WT1: variants seen among roughly 807,000 people sequenced by gnomAD.
WT1 encodes Wilms tumor protein.
WT1 carries 8 observed loss-of-function variants against 60.8 expected under a neutral mutation model. The ratio of observed to expected loss-of-function variants is 0.13; its 90% CI spans 0.08 to 0.24. The LOEUF is 0.24. Among genes scored for constraint, WT1 ranks in the 10% least tolerant of loss-of-function variants. The pLI is 1.00. For synonymous variants in WT1, 312 were observed against 297.1 expected (o/e 1.05, Z -0.52); for missense variants, 568 against 711.8 (o/e 0.80, Z 2.30).
rs527277671 is a variant in WT1, at chr11:32,415,083, A to G, written c.1016+1407T>C. On this transcript the variant is annotated intron_variant, in intron 5 of 9. Transcript: ENST00000452863. ...GTCTAAAGACCTTAAAAAGTATCGAAATTATCTTAACCATGGAAATATCCA... is the reference window on the plus strand; with the variant it reads ...GTCTAAAGACCTTAAAAAGTATCGAGATTATCTTAACCATGGAAATATCCA... 4.6e-5 allele frequency among the ~76,000 whole-genome samples: 7 copies of G among 152,286 alleles called. No homozygotes were observed. The South Asian group carries it at 1.5e-3, about 32-fold the overall frequency.
chr11:32,399,109 T>C (rs549638704), intron 6 of WT1, among the ~76,000 whole-genome samples: 101 of 137,530 alleles, frequency 7.3e-4, no homozygotes, highest in Non-Finnish European at 1.2e-3. Context: ...TGAGCCAAGA[T>C]AGCGCCACTG....
intron 6 of WT1, among the ~76,000 whole-genome samples, chr11:32,399,621 A>G (rs1213352715): frequency 6.6e-6 from 1 of 152,244 alleles, no homozygotes; most frequent in Admixed American, 6.5e-5. Context: ...TCAAAGGTCC[A>G]AGCGGTTAAT....
intron 9 of WT1, 26 bp from the exon 10 acceptor site, chr11:32,389,205 A>T: frequency 6.2e-7 from 1 of 1,613,840 alleles, no homozygotes. Context: ...CCAGTCAGAG[A>T]CACTTGCAAC....
intron 9 of WT1, 30 bp downstream of exon 9, chr11:32,391,942 A>C (rs746687182): frequency 7.5e-6 from 12 of 1,596,088 alleles, no homozygotes; most frequent in Non-Finnish European, 8.6e-7. Context: ...AAAAATAATG[A>C]AAAATAAATG....
intron 8 of WT1, among the ~76,000 whole-genome samples, chr11:32,392,424 C>G (rs542863279): frequency 1.1e-4 from 17 of 152,326 alleles, no homozygotes; most frequent in African/African-American, 4.1e-4. Context: ...AGTGTATCAT[C>G]AGCCCACTGC....
intron 1 of WT1, among the ~76,000 whole-genome samples, chr11:32,431,842 G>A (rs1853323648): frequency 6.6e-6 from 1 of 152,092 alleles, no homozygotes; most frequent in South Asian, 2.1e-4. Context: ...TGCCCCTCCC[G>A]CAGGCCAGAA....
Position 32,427,995 on chromosome 11 carries a change from G to A in WT1, c.848C>T (p.Thr283Ile), listed in dbSNP as rs776258782. The change falls in exon 3 of 10, where the codon ACC becomes ATC. Residue 283 changes from threonine (T) to isoleucine (I), a missense_variant. By Grantham distance (89) the Thr-to-Ile change is moderately conservative. Coordinates refer to ENST00000452863, the MANE Select transcript of WT1 (RefSeq NM_024426.6). The stretch of plus-strand genomic sequence containing the variant: ...CCTCAGCAGCAAAGCCTGGCTGCCG[G>A]TGCAGCTGTCGGTGGGGGTGTGGCA... 1 of 1,611,982 alleles carries A rather than the reference G, an allele frequency of 6.2e-7. No homozygotes were observed. Among genetic ancestry groups the A allele is most frequent in the South Asian group, 1.1e-5 (1 of 90,866 alleles).
chr11:32,414,038 T>C (rs1006079690), intron 5 of WT1, among the ~76,000 whole-genome samples: 13 of 152,328 alleles, frequency 8.5e-5, no homozygotes, highest in South Asian at 6.2e-4. Flanking sequence ...CACCCAATAC[T>C]GTTTATATAC....
intron 3 of WT1, among the ~76,000 whole-genome samples, chr11:32,426,028 C>G (rs948731807): frequency 6.6e-6 from 1 of 152,154 alleles, no homozygotes; most frequent in South Asian, 2.1e-4. Flanking sequence ...TCCTGGACTC[C>G]TCTTTCAAGG....
In WT1 at chr11:32,388,970, T is replaced by C. The variant is rs5030315; in HGVS notation, c.*88A>G. The C allele has an allele frequency of 0.098, 156,808 of 1,602,290 alleles. 10,006 individuals carry two copies. The highest frequency in any genetic ancestry group is 0.3 in the African/African-American group (22,441 of 74,686). On this transcript the variant is annotated 3_prime_UTR_variant, in exon 10 of 10. Coordinates refer to ENST00000452863, the MANE Select transcript of WT1 (RefSeq NM_024426.6). ...GAAGAAGATCAACTGAAGTTTCCTT[T>C]TTAGTGAGGAGGAGTGGAGAGTCAG... is the stretch of plus-strand genomic sequence containing the variant.
intron 5 of WT1, among the ~76,000 whole-genome samples, chr11:32,407,537 C>T (rs1852352919): frequency 6.6e-6 from 1 of 152,146 alleles, no homozygotes; most frequent in African/African-American, 2.4e-5. Flanking sequence ...GGCAGGCATC[C>T]CCCCATCTTC....
chr11:32,412,749 G>A (rs1009035112), intron 5 of WT1, among the ~76,000 whole-genome samples: 1 of 98,282 alleles, frequency 1.0e-5, no homozygotes, highest in African/African-American at 4.1e-5. Flanking sequence ...TGGGGGTGAG[G>A]GAGAAGAAAG....
intron 8 of WT1, 63 bp downstream of exon 8, chr11:32,392,603 T>C (rs1412051645): frequency 1.1e-5 from 16 of 1,483,802 alleles, no homozygotes; most frequent in Non-Finnish European, 1.4e-5. Context: ...ACAAAGAGAA[T>C]CATGAAATCA....
In WT1 at chr11:32,427,008, C is replaced by T. The variant is rs544971131; in HGVS notation, c.887+948G>A. ...CCTTCCCTTGACGTCAGCCCCGGGTCCCCGCGCGGAGGGGAGGGAGGATGG... is the reference window on the plus strand; with the variant it reads ...CCTTCCCTTGACGTCAGCCCCGGGTTCCCGCGCGGAGGGGAGGGAGGATGG... On this transcript the variant is annotated intron_variant, in intron 3 of 9. Coordinates refer to ENST00000452863, the MANE Select transcript of WT1 (RefSeq NM_024426.6). Among the ~76,000 whole-genome samples, 29 of 152,316 alleles carry T rather than the reference C, an allele frequency of 1.9e-4. 1 individual carries two copies. In the East Asian group the frequency reaches 4.8e-3, roughly 25 times the overall value.
At chr11:32,430,131 G>C (rs1853229306) in intron 1 of WT1, among the ~76,000 whole-genome samples, 2 of 152,022 alleles carry the variant, frequency 1.3e-5, no homozygotes, top group African/African-American at 4.8e-5. Context: ...CTCACACACT[G>C]CTCAGCACCA....
At chr11:32,416,835 T>G (rs1852689648) in intron 4 of WT1, among the ~76,000 whole-genome samples, 1 of 152,224 alleles carries the variant, frequency 6.6e-6, no homozygotes, top group East Asian at 1.9e-4. Flanking sequence ...TTGGTTTACT[T>G]ATCTGTAAAC....
intron 3 of WT1, among the ~76,000 whole-genome samples, chr11:32,427,146 G>T (rs1853076547): frequency 6.6e-6 from 1 of 152,206 alleles, no homozygotes; most frequent in South Asian, 2.1e-4. Flanking sequence ...GCTGCTCCCC[G>T]GCCCCCGCCC....
At chr11:32,397,866 C>T (rs1852020295) in intron 6 of WT1, among the ~76,000 whole-genome samples, 2 of 152,146 alleles carry the variant, frequency 1.3e-5, no homozygotes, top group Admixed American at 1.3e-4. Context: ...GGTGAGCCAG[C>T]TGTTGGATTG....
At chr11:32,399,908 G>A (rs368087905) in intron 6 of WT1, 40 bp downstream of exon 6, 1 of 1,604,750 alleles carries the variant, frequency 6.2e-7, no homozygotes. Context: ...GGAAGAGGCA[G>A]TGCGGCCCCC....
Sources: allele counts gnomAD v4.1 joint callset (sites outside exome capture counted in the v4.1 genomes callset), GRCh38; gene constraint gnomAD v4.1.1; transcripts MANE v1.5; gene names NCBI Gene and HGNC (gene_info 2026-07-23, HGNC 2026-07-21).